Variants in PPM1H observed in about 807,000 individuals in gnomAD.
PPM1H encodes protein phosphatase, Mg2+/Mn2+ dependent 1H, also known as protein phosphatase 1H.
PPM1H carries 27 observed loss-of-function variants against 54.9 expected under a neutral mutation model. The ratio of observed to expected loss-of-function variants is 0.49; its 90% CI spans 0.36 to 0.68. The LOEUF (loss-of-function observed/expected upper bound fraction) is 0.68, where lower values mean the gene tolerates loss of function less well. Ranked by LOEUF, PPM1H falls within the 30% of genes least tolerant of loss-of-function variation. The pLI is 0.00. For missense variants in PPM1H, 596 were observed against 667.8 expected (o/e 0.89, Z 1.19); for synonymous variants, 305 against 270.8 (o/e 1.13, Z -1.24).
rs1244905445 is a variant in PPM1H at position 62,934,348 on chromosome 12, T to TA, written c.245+143dup. The TA allele has an allele frequency of 8.4e-7, 1 of 1,197,266 alleles. No individual in the cohort carries two copies. Among genetic ancestry groups the TA allele is most frequent in the African/African-American group, 1.6e-5 (1 of 62,844 alleles). 74.2% of individuals were successfully genotyped at this position (1,197,266 alleles called of 1,614,324 possible). ...GGGGAGAAGAGGGAAATGGCCAGTG[T>TA]AAGTAAAGAGCTCCCCGCCGAGGCC... is the stretch of plus-strand genomic sequence containing the variant. On this transcript the variant is annotated intron_variant, in intron 1 of 9. Coordinates refer to ENST00000228705, the MANE Select transcript of PPM1H (RefSeq NM_020700.2). The surrounding 1 kb of genome is among the most constrained non-coding windows in gnomAD (Gnocchi z 4.2).
intron 4 of PPM1H, among the ~76,000 whole-genome samples, chr12:62,762,629 A>C (rs950300246): frequency 6.6e-6 from 1 of 152,190 alleles, no homozygotes; most frequent in Non-Finnish European, 1.5e-5. Context: ...TACAATCTGC[A>C]TCCTTTTTAC....
At chr12:62,913,216 A>G (rs1175807530) in intron 1 of PPM1H, among the ~76,000 whole-genome samples, 1 of 152,186 alleles carries the variant, frequency 6.6e-6, no homozygotes, top group Non-Finnish European at 1.5e-5. Context: ...AGATTTGAGA[A>G]GAAAAGGGAA....
At chr12:62,712,887 G>A (rs368021890) in intron 6 of PPM1H, among the ~76,000 whole-genome samples, 1 of 152,182 alleles carries the variant, frequency 6.6e-6, no homozygotes, top group Admixed American at 6.5e-5. Context: ...CTGTAACAGG[G>A]CTTCTGTGCT....
chr12:62,740,552 G>A (rs1424167035), intron 4 of PPM1H, among the ~76,000 whole-genome samples: 2 of 152,122 alleles, frequency 1.3e-5, no homozygotes, highest in Non-Finnish European at 2.9e-5. Context: ...CCCTCCATAC[G>A]TGTTCCCTTA....
chr12:62,773,902 T>C (rs1370830854), intron 4 of PPM1H, among the ~76,000 whole-genome samples: 2 of 152,156 alleles, frequency 1.3e-5, no homozygotes, highest in Admixed American at 1.3e-4. Context: ...TTCTTTATGC[T>C]CTAGGTTTGG....
chr12:62,813,110 G>C (rs2076844929), intron 2 of PPM1H, among the ~76,000 whole-genome samples: 1 of 151,954 alleles, frequency 6.6e-6, no homozygotes, highest in Non-Finnish European at 1.5e-5. Flanking sequence ...AACTGAGAAG[G>C]AGAGGTTCTA....
intron 2 of PPM1H, among the ~76,000 whole-genome samples, chr12:62,805,182 T>A (rs2076799396): frequency 6.6e-6 from 1 of 152,082 alleles, no homozygotes; most frequent in Non-Finnish European, 1.5e-5. Flanking sequence ...CTCACACCTG[T>A]TAGGATCGCT....
At chr12:62,853,347 A>G (rs1014393497) in intron 1 of PPM1H, among the ~76,000 whole-genome samples, 14 of 152,238 alleles carry the variant, frequency 9.2e-5, no homozygotes, top group Non-Finnish European at 1.9e-4. Flanking sequence ...ACACTTCTAC[A>G]TGTTTGAAAT....
intron 4 of PPM1H, among the ~76,000 whole-genome samples, chr12:62,758,485 C>T (rs1271782376): frequency 1.3e-5 from 2 of 152,096 alleles, no homozygotes; most frequent in African/African-American, 4.8e-5. Flanking sequence ...AGATGACCTA[C>T]AATGCACATG....
At chr12:62,794,670 G>A (rs574901447) in intron 3 of PPM1H, among the ~76,000 whole-genome samples, 1 of 152,120 alleles carries the variant, frequency 6.6e-6, no homozygotes, top group Non-Finnish European at 1.5e-5. Context: ...GAGGGCAAAG[G>A]CTTCCTGTAA....
chr12:62,784,839 G>T (rs487133), intron 4 of PPM1H, among the ~76,000 whole-genome samples: 178 of 152,334 alleles, frequency 1.2e-3, no homozygotes, highest in African/African-American at 3.9e-3. Context: ...TAAAAGAGCT[G>T]CAAATAGCAC....
At chr12:62,782,746 G>A (rs1248062777) in intron 4 of PPM1H, among the ~76,000 whole-genome samples, 1 of 152,212 alleles carries the variant, frequency 6.6e-6, no homozygotes, top group African/African-American at 2.4e-5. Flanking sequence ...GTCTGAATTT[G>A]TGGTAGTAAT....
chr12:62,718,168 T>TGGGGG (rs1367390467), intron 6 of PPM1H, among the ~76,000 whole-genome samples: 6 of 152,226 alleles, frequency 3.9e-5, no homozygotes, highest in Non-Finnish European at 7.4e-5. Context: ...GACTAGGCAC[T>TGGGGG]GGTGTCCCCC....
At chr12:62,691,561 C>T (rs575626352) in intron 7 of PPM1H, among the ~76,000 whole-genome samples, 1 of 152,142 alleles carries the variant, frequency 6.6e-6, no homozygotes, top group South Asian at 2.1e-4. Context: ...CAGTAGCTCA[C>T]ATGTGTAATC....
chr12:62,718,725 A>G (rs1431268694), intron 6 of PPM1H, among the ~76,000 whole-genome samples: 5 of 152,214 alleles, frequency 3.3e-5, no homozygotes, highest in African/African-American at 7.2e-5. Context: ...GAATTACACT[A>G]GCTCTCACAT....
At chr12:62,792,612 C>A (rs930195848) in intron 3 of PPM1H, among the ~76,000 whole-genome samples, 4 of 152,172 alleles carry the variant, frequency 2.6e-5, no homozygotes, top group African/African-American at 9.7e-5. Context: ...GACGTGTTTC[C>A]ATAGACTTCA....
intron 4 of PPM1H, among the ~76,000 whole-genome samples, chr12:62,738,358 C>T (rs1592571842): frequency 6.6e-6 from 1 of 151,490 alleles, no homozygotes; most frequent in East Asian, 1.9e-4. Context: ...ATCCTGGGTC[C>T]AGGGGGAAAA....
chr12:62,698,871 C>T (rs1414434956), intron 6 of PPM1H, among the ~76,000 whole-genome samples: 1 of 152,092 alleles, frequency 6.6e-6, no homozygotes, highest in Non-Finnish European at 1.5e-5. Context: ...GACTCCATTG[C>T]CCTTATTAAT....
chr12:62,873,573 G>C (rs1163895383), intron 1 of PPM1H, among the ~76,000 whole-genome samples: 2 of 152,198 alleles, frequency 1.3e-5, no homozygotes, highest in Non-Finnish European at 2.9e-5. Context: ...AAGTTACAAA[G>C]TTGCTGAATG....
Sources: allele counts gnomAD v4.1 joint callset (sites outside exome capture counted in the v4.1 genomes callset), GRCh38; gene constraint gnomAD v4.1.1; non-coding constraint Gnocchi (gnomAD v3.1); transcripts MANE v1.5; gene names NCBI Gene and HGNC (gene_info 2026-07-23, HGNC 2026-07-21).